Variants in MAGI2 observed in about 807,000 individuals in gnomAD.
The protein encoded by MAGI2 is membrane-associated guanylate kinase, WW and PDZ domain-containing protein 2.
Under a neutral mutation model 133.3 loss-of-function variants are expected in MAGI2, and 35 were observed. The ratio of observed to expected loss-of-function variants is 0.26; its 90% CI spans 0.20 to 0.35. The LOEUF (loss-of-function observed/expected upper bound fraction) is 0.35, where lower values mean the gene tolerates loss of function less well. MAGI2 is among the 10% of genes least tolerant of loss of function. The probability of loss-of-function intolerance (pLI) is 1.00; values close to 1 mark genes in which losing one functional copy is unlikely to be tolerated. For missense variants in MAGI2, 1,636 were observed against 1,863.4 expected (o/e 0.88, Z 2.25); for synonymous variants, 729 against 710.6 (o/e 1.03, Z -0.41).
chr7:79,263,540 C>T (rs1419382523), intron 1 of MAGI2, among the ~76,000 whole-genome samples: 1 of 152,082 alleles, frequency 6.6e-6, no homozygotes, highest in Non-Finnish European at 1.5e-5. Context: ...TAAAATAACT[C>T]CCCCATCACC....
In MAGI2 at chr7:78,814,751, C is replaced by T. The variant is rs556530339; in HGVS notation, c.419-187512G>A. ...CTATTATTATTATTTGAGTCAGGGT[C>T]TCACTCTGTCTCCCAGGATGAAGTG... is the stretch of plus-strand genomic sequence containing the variant. On this transcript the variant is annotated intron_variant, in intron 2 of 21. Transcript: ENST00000354212. 2.6e-4 allele frequency among the ~76,000 whole-genome samples: 39 copies of T among 152,230 alleles called. No individual in the cohort carries two copies. In the South Asian group the frequency reaches 7.9e-3, roughly 31 times the overall value.
chr7:79,316,037 T>C (rs1554835), intron 1 of MAGI2, among the ~76,000 whole-genome samples: 87,042 of 151,740 alleles, frequency 0.57, 27,054 homozygotes, highest in Non-Finnish European at 0.69. Flanking sequence ...ATGAGAATCA[T>C]AACACTCAGC....
chr7:79,059,865 G>A (rs1813540641), intron 1 of MAGI2, among the ~76,000 whole-genome samples: 2 of 152,074 alleles, frequency 1.3e-5, no homozygotes, highest in South Asian at 4.1e-4. Context: ...TCTGCACTCT[G>A]ATTGTAAATT....
At chr7:78,385,681 T>C (rs1261735411) in intron 6 of MAGI2, among the ~76,000 whole-genome samples, 1 of 152,222 alleles carries the variant, frequency 6.6e-6, no homozygotes, top group Admixed American at 6.5e-5. Context: ...CAGGTGGAGA[T>C]ACTGAAATCA....
chr7:78,410,369 C>G (rs565923644), intron 6 of MAGI2, among the ~76,000 whole-genome samples: 1 of 152,160 alleles, frequency 6.6e-6, no homozygotes, highest in South Asian at 2.1e-4. Context: ...TGTCTTGATT[C>G]TCTACGACAC....
chr7:78,844,947 T>C (rs1047559307), intron 2 of MAGI2, among the ~76,000 whole-genome samples: 11 of 151,958 alleles, frequency 7.2e-5, no homozygotes, highest in Admixed American at 5.3e-4. Context: ...CTCTAGTTGA[T>C]AAAGAAACTA....
chr7:79,343,075 A>AT (rs1841027790), intron 1 of MAGI2, among the ~76,000 whole-genome samples: 2 of 152,016 alleles, frequency 1.3e-5, no homozygotes, highest in Non-Finnish European at 2.9e-5. Context: ...GAGGAAGCAC[A>AT]TTTTTACATT....
At chr7:78,516,563 G>C (rs1796061005) in intron 4 of MAGI2, among the ~76,000 whole-genome samples, 1 of 152,124 alleles carries the variant, frequency 6.6e-6, no homozygotes. Context: ...ATGTTGCCCA[G>C]GCTGGTCTTG....
chr7:78,996,833 T>C (rs1243885232), intron 2 of MAGI2, among the ~76,000 whole-genome samples: 3 of 152,178 alleles, frequency 2.0e-5, no homozygotes, highest in African/African-American at 7.2e-5. Context: ...CAGAGTTTGT[T>C]TTCCAAAGAA....
chr7:78,747,866 G>A (rs1212753387), intron 2 of MAGI2, among the ~76,000 whole-genome samples: 2 of 152,122 alleles, frequency 1.3e-5, no homozygotes, highest in South Asian at 2.1e-4. Context: ...CCTGGTGTGA[G>A]CCAAGACTGT....
intron 9 of MAGI2, among the ~76,000 whole-genome samples, chr7:78,316,886 GT>G: frequency 6.6e-6 from 1 of 152,182 alleles, no homozygotes; most frequent in South Asian, 2.1e-4. Context: ...TTTGCCAAGT[GT>G]TTTTTTCTCT....
chr7:79,121,715 A>C (rs1819922395), intron 1 of MAGI2, among the ~76,000 whole-genome samples: 1 of 151,908 alleles, frequency 6.6e-6, no homozygotes, highest in Non-Finnish European at 1.5e-5. Flanking sequence ...AATACTCATA[A>C]ATTTTCTTTA....
intron 2 of MAGI2, among the ~76,000 whole-genome samples, chr7:78,642,326 A>G (rs562463903): frequency 6.6e-6 from 1 of 152,336 alleles, no homozygotes; most frequent in East Asian, 1.9e-4. Context: ...GTTTAGGACC[A>G]TGGTTCAGTA....
intron 2 of MAGI2, among the ~76,000 whole-genome samples, chr7:78,725,815 C>CAACAAACAAACA (rs371894892): frequency 0.067 from 10,210 of 151,886 alleles, 525 homozygotes; most frequent in African/African-American, 0.13. Flanking sequence ...ACAACAACCA[C>CAACAAACAAACA]AACAAACAAA....
chr7:78,161,203 C>G (rs1402130773), intron 15 of MAGI2, among the ~76,000 whole-genome samples: 1 of 152,056 alleles, frequency 6.6e-6, no homozygotes, highest in Non-Finnish European at 1.5e-5. Context: ...TGAGAAAAAG[C>G]CAGCATATTT....
At chr7:78,500,526 A>T (rs936676700) in intron 5 of MAGI2, among the ~76,000 whole-genome samples, 10 of 152,190 alleles carry the variant, frequency 6.6e-5, no homozygotes, top group African/African-American at 2.2e-4. Context: ...TGGAATTTTT[A>T]AAAAGTTGTT....
chr7:79,191,782 C>G (rs1204239342), intron 1 of MAGI2, among the ~76,000 whole-genome samples: 1 of 151,616 alleles, frequency 6.6e-6, no homozygotes, highest in Admixed American at 6.6e-5. Context: ...CCATACTCCC[C>G]TTTTCTAGTA....
At chr7:78,976,828 G>A (rs1804301729) in intron 2 of MAGI2, among the ~76,000 whole-genome samples, 1 of 151,210 alleles carries the variant, frequency 6.6e-6, no homozygotes, top group Admixed American at 6.6e-5. Flanking sequence ...ATTGGAATTT[G>A]AAATTAAAAA....
At chr7:78,476,345 G>T (rs1354817157) in intron 6 of MAGI2, among the ~76,000 whole-genome samples, 1 of 151,924 alleles carries the variant, frequency 6.6e-6, no homozygotes, top group Non-Finnish European at 1.5e-5. Flanking sequence ...GGCAAAGAAA[G>T]AATATAAATT....
Sources: allele counts gnomAD v4.1 joint callset (sites outside exome capture counted in the v4.1 genomes callset), GRCh38; gene constraint gnomAD v4.1.1; transcripts MANE v1.5; gene names NCBI Gene and HGNC (gene_info 2026-07-23, HGNC 2026-07-21).